ROBO2: variants seen among roughly 807,000 people sequenced by gnomAD.
ROBO2 encodes the protein roundabout guidance receptor 2.
A neutral mutation model predicts 160.8 loss-of-function variants in ROBO2; 53 were observed. That is an observed-to-expected ratio of 0.33 (90% CI 0.26 to 0.41). The LOEUF (loss-of-function observed/expected upper bound fraction) is 0.41, where lower values mean the gene tolerates loss of function less well. ROBO2 is among the 10% of genes least tolerant of loss of function. The pLI, the probability that ROBO2 is intolerant of heterozygous loss-of-function variation, is 1.00. For synonymous variants in ROBO2, 664 were observed against 611.7 expected (o/e 1.09, Z -1.26); for missense variants, 1,577 against 1,722.4 (o/e 0.92, Z 1.49).
At chr3:76,434,221 T>C in intron 2 of ROBO2, 1 of 1,049,422 alleles carries the variant, frequency 9.5e-7, no homozygotes, top group Non-Finnish European at 1.5e-6. Context: ...TATGCAGAGA[T>C]GGTCCACACA....
chr3:77,435,606 T>A (rs1031957843), intron 2 of ROBO2, among the ~76,000 whole-genome samples: 1 of 151,820 alleles, frequency 6.6e-6, no homozygotes, highest in Non-Finnish European at 1.5e-5. Flanking sequence ...TTGTAATGCA[T>A]CAGTTTAGCA....
At position 77,563,448 on chromosome 3, in the gene ROBO2, T is replaced by C. The variant is rs894054055; in HGVS notation, c.1682+119T>C. On this transcript the variant is annotated intron_variant, in intron 11 of 25. Coordinates refer to ENST00000461745, the Ensembl canonical transcript of ROBO2. ...ATGTCCAATCAATGCATTTTAAGAA[T>C]TGATCTCTTCTCTCTGACTTTATTC... 2.5e-5 allele frequency: 25 copies of C among 982,894 alleles called. No individual in the cohort carries two copies. In the African/African-American group the frequency reaches 2.7e-4, roughly 11 times the overall value. The allele number at this position is 982,894 out of a possible 1,614,324, so 60.9% of individuals were successfully genotyped here.
At chr3:76,304,215 T>C (rs2107750609) in intron 2 of ROBO2, among the ~76,000 whole-genome samples, 1 of 152,324 alleles carries the variant, frequency 6.6e-6, no homozygotes, top group African/African-American at 2.4e-5. Context: ...GTTTCTCTTG[T>C]TGTGGAATGA....
intron 2 of ROBO2, among the ~76,000 whole-genome samples, chr3:77,149,034 AT>A (rs71104654): frequency 0.37 from 46,780 of 125,974 alleles, 7,867 homozygotes; most frequent in East Asian, 0.62. Context: ...GACAAAGTAA[AT>A]TTTTTTTTTT....
intron 2 of ROBO2, among the ~76,000 whole-genome samples, chr3:77,156,196 G>T (rs2077993933): frequency 6.6e-6 from 1 of 151,980 alleles, no homozygotes; most frequent in South Asian, 2.1e-4. Flanking sequence ...CAAATCCAAG[G>T]CACCTTCAGT....
intron 2 of ROBO2, among the ~76,000 whole-genome samples, chr3:76,798,451 G>A (rs1411782159): frequency 1.3e-5 from 2 of 152,172 alleles, no homozygotes; most frequent in Non-Finnish European, 2.9e-5. Context: ...CATACCAGTG[G>A]TGCAAGGATA....
intron 2 of ROBO2, among the ~76,000 whole-genome samples, chr3:76,091,148 A>G (rs2069215295): frequency 6.6e-6 from 1 of 152,196 alleles, no homozygotes; most frequent in Admixed American, 6.5e-5. Context: ...CATGAAGAGG[A>G]GAAGATAAGC....
At chr3:76,318,813 G>C (rs1472316) in intron 2 of ROBO2, among the ~76,000 whole-genome samples, 123,786 of 152,048 alleles carry the variant, frequency 0.81, 52,975 homozygotes, top group East Asian at 0.96. Flanking sequence ...ATAAAGTTTA[G>C]TTATTTTCAC....
chr3:76,273,422 T>C (rs922938142), intron 2 of ROBO2, among the ~76,000 whole-genome samples: 5 of 152,180 alleles, frequency 3.3e-5, no homozygotes, highest in African/African-American at 1.2e-4. Flanking sequence ...TGTATTAGTC[T>C]GCTCTCACAC....
At chr3:75,983,917 A>T (rs953133863) in intron 2 of ROBO2, among the ~76,000 whole-genome samples, 1 of 151,492 alleles carries the variant, frequency 6.6e-6, no homozygotes, top group Non-Finnish European at 1.5e-5. Flanking sequence ...TGGCAGGGCT[A>T]AGCTGATTAG....
intron 2 of ROBO2, among the ~76,000 whole-genome samples, chr3:77,209,432 T>TAA (rs148357086): frequency 2.0e-5 from 3 of 151,758 alleles, no homozygotes; most frequent in East Asian, 1.9e-4. Flanking sequence ...ACGTTCAAGG[T>TAA]AAAAAAAAGC....
chr3:76,799,568 T>C (rs963047469), intron 2 of ROBO2, among the ~76,000 whole-genome samples: 10 of 151,762 alleles, frequency 6.6e-5, no homozygotes, highest in Non-Finnish European at 1.3e-4. Flanking sequence ...GTAACATTTT[T>C]ATATGTTAAC....
chr3:76,359,564 G>A (rs777582816), intron 2 of ROBO2, among the ~76,000 whole-genome samples: 1 of 151,942 alleles, frequency 6.6e-6, no homozygotes, highest in Non-Finnish European at 1.5e-5. Context: ...ACGCACAATG[G>A]TAAGATGATC....
At chr3:77,372,175 T>G (rs1243792241) in intron 2 of ROBO2, among the ~76,000 whole-genome samples, 10 of 151,294 alleles carry the variant, frequency 6.6e-5, no homozygotes, top group Admixed American at 5.3e-4. Context: ...AGTGAAGATG[T>G]GAGAGAGTAA....
At chr3:77,142,830 T>C (rs1033955939) in intron 2 of ROBO2, among the ~76,000 whole-genome samples, 2 of 152,168 alleles carry the variant, frequency 1.3e-5, no homozygotes, top group African/African-American at 2.4e-5. Context: ...CATGTGCACA[T>C]ACAGAGTTCT....
intron 2 of ROBO2, among the ~76,000 whole-genome samples, chr3:76,487,564 G>A (rs747046754): frequency 9.2e-5 from 14 of 152,002 alleles, no homozygotes; most frequent in Non-Finnish European, 1.6e-4. Flanking sequence ...GAAATAACAC[G>A]CCAAACACCA....
chr3:76,230,541 C>A (rs1704559943), intron 2 of ROBO2, among the ~76,000 whole-genome samples: 1 of 152,028 alleles, frequency 6.6e-6, no homozygotes. Context: ...TTCTGCGTTC[C>A]TCGGTATACC....
intron 2 of ROBO2, among the ~76,000 whole-genome samples, chr3:76,806,034 A>G (rs1435336253): frequency 6.6e-6 from 1 of 151,642 alleles, no homozygotes; most frequent in Non-Finnish European, 1.5e-5. Flanking sequence ...TGCTTTCCCT[A>G]TATCTGGGTG....
At chr3:76,756,552 G>A (rs1576446751) in intron 2 of ROBO2, among the ~76,000 whole-genome samples, 1 of 151,890 alleles carries the variant, frequency 6.6e-6, no homozygotes, top group South Asian at 2.1e-4. Context: ...AAAGATGTTT[G>A]GAAGATCAAA....
Sources: allele counts gnomAD v4.1 joint callset (sites outside exome capture counted in the v4.1 genomes callset), GRCh38; gene constraint gnomAD v4.1.1; transcripts MANE v1.5; gene names NCBI Gene and HGNC (gene_info 2026-07-23, HGNC 2026-07-21).